CD9: variants seen among roughly 807,000 people sequenced by gnomAD.
The protein encoded by CD9 is CD9 molecule.
In CD9, 10 loss-of-function variants were observed where a neutral mutation model predicts 31.4. The observed-to-expected ratio is 0.32, with a 90% CI of 0.20 to 0.54. The LOEUF is 0.54. CD9 is among the 20% of genes least tolerant of loss of function. The pLI is 0.94. For missense variants in CD9, 259 were observed against 300.1 expected (o/e 0.86, Z 1.01); for synonymous variants, 113 against 114.1 (o/e 0.99, Z 0.06).
intron 2 of CD9, among the ~76,000 whole-genome samples, chr12:6,226,777 A>G (rs1488481463): frequency 6.6e-6 from 1 of 152,224 alleles, no homozygotes; most frequent in Non-Finnish European, 1.5e-5. Flanking sequence ...TTTTTGGGGA[A>G]CAGGTTTCTA....
chr12:6,207,580 G>A (rs1206822637), intron 1 of CD9, among the ~76,000 whole-genome samples: 2 of 152,238 alleles, frequency 1.3e-5, no homozygotes, highest in South Asian at 2.1e-4. Flanking sequence ...TGTTCAGGAA[G>A]AAAGGAGGTC....
In CD9 at chr12:6,226,556, T is replaced by C. The variant is rs1409956521; in HGVS notation, c.175+1022T>C. On this transcript the variant is annotated intron_variant, in intron 2 of 7. Coordinates refer to ENST00000009180, the MANE Select transcript of CD9 (RefSeq NM_001769.4). ...GCAAGGCTGGCCAGCCACGTAGACCTTCCCTTTCCCACCTCTTGAACTGGG... is the reference window on the plus strand; with the variant it reads ...GCAAGGCTGGCCAGCCACGTAGACCCTCCCTTTCCCACCTCTTGAACTGGG... 3.9e-5 allele frequency among the ~76,000 whole-genome samples: 6 copies of C among 152,194 alleles called. No individual in the cohort carries two copies. In the East Asian group the frequency reaches 7.7e-4, roughly 20 times the overall value.
chr12:6,212,431 T>TA (rs1946202898), intron 1 of CD9, among the ~76,000 whole-genome samples: 2 of 152,292 alleles, frequency 1.3e-5, no homozygotes, highest in Non-Finnish European at 2.9e-5. Context: ...TGTTCTCTTG[T>TA]AAAGTAATGG....
At chr12:6,224,493 G>A (rs1565425092) in intron 1 of CD9, among the ~76,000 whole-genome samples, 1 of 152,190 alleles carries the variant, frequency 6.6e-6, no homozygotes, top group South Asian at 2.1e-4. Flanking sequence ...GAGGAAAGGA[G>A]GAAGGAAAGA....
upstream of CD9, chr12:6,200,360 G>A: frequency 1.8e-6 from 1 of 553,366 alleles, no homozygotes; most frequent in Middle Eastern, 4.7e-4. Flanking sequence ...GCGCCCTAAG[G>A]AGTGGCACTT....
At chr12:6,211,618 GA>G (rs1946195107) in intron 1 of CD9, among the ~76,000 whole-genome samples, 2 of 152,254 alleles carry the variant, frequency 1.3e-5, no homozygotes, top group Admixed American at 1.3e-4. Flanking sequence ...GTGTCAGCAA[GA>G]GTGTGTGCAG....
chr12:6,235,719 G>A, intron 6 of CD9, 154 bp downstream of exon 6: 1 of 1,426,846 alleles, frequency 7.0e-7, no homozygotes. Flanking sequence ...TCCCACTTTG[G>A]GCCCTCTGTT....
intron 1 of CD9, among the ~76,000 whole-genome samples, chr12:6,201,328 C>T (rs1025338962): frequency 6.6e-6 from 1 of 152,226 alleles, no homozygotes; most frequent in East Asian, 1.9e-4. Context: ...GAGGAGGGGG[C>T]AGATACCTAT....
intron 4 of CD9, 27 bp downstream of exon 4, chr12:6,233,513 G>A: frequency 1.9e-6 from 3 of 1,572,842 alleles, no homozygotes; most frequent in Non-Finnish European, 2.6e-6. Flanking sequence ...AGATCTCTTG[G>A]GTTTGGGAGT....
intron 1 of CD9, among the ~76,000 whole-genome samples, chr12:6,216,302 T>A (rs1946241982): frequency 6.6e-6 from 1 of 152,234 alleles, no homozygotes; most frequent in Non-Finnish European, 1.5e-5. Context: ...CCTGGAAAAC[T>A]GCTGGTGTGG....
In CD9 at chr12:6,232,832, C is replaced by T; in HGVS notation, c.273+103C>T. 3.7e-6 allele frequency: 3 copies of T among 808,036 alleles called. No individual in the cohort carries two copies. The highest frequency in any genetic ancestry group is 6.2e-6 in the Non-Finnish European group (3 of 481,894). 50.1% of individuals were successfully genotyped at this position (808,036 alleles called of 1,614,324 possible). On this transcript the variant is annotated intron_variant, in intron 3 of 7. Transcript: ENST00000009180. This position sits in a 1 kb window ranked among gnomAD's most constrained non-coding sequence, Gnocchi z 4.8. Reference sequence around the variant, plus strand: ...CAGAACAGATGGAGGGGGATGGGGTCAGGAAGGTACCCAAAGGGCATGAGC... The same window carrying T: ...CAGAACAGATGGAGGGGGATGGGGTTAGGAAGGTACCCAAAGGGCATGAGC...
chr12:6,215,317 T>A (rs960271349), intron 1 of CD9, among the ~76,000 whole-genome samples: 1 of 152,222 alleles, frequency 6.6e-6, no homozygotes, highest in Non-Finnish European at 1.5e-5. Flanking sequence ...GAGAGAGCTT[T>A]TCTCTGTCCT....
rs777032034 is a variant in CD9 at position 6,236,170 on chromosome 12, G to C, written c.538-22G>C. 1.4e-4 allele frequency: 225 copies of C among 1,613,866 alleles called. 1 individual carries two copies. The Admixed American group carries it at 3.7e-3, about 27-fold the overall frequency. On this transcript the variant is annotated intron_variant, in intron 6 of 7. Transcript: ENST00000009180. ...GGGAGGAAGGATTGTGTGTGACCCA[G>C]GTCTTGGTTTGTCTCCCCAAGTCCT...
chr12:6,218,103 T>C (rs907983421), intron 1 of CD9, among the ~76,000 whole-genome samples: 2 of 152,050 alleles, frequency 1.3e-5, no homozygotes, highest in African/African-American at 2.4e-5. Flanking sequence ...GGTGCACACC[T>C]GTAGTCCCAG....
intron 2 of CD9, among the ~76,000 whole-genome samples, chr12:6,229,815 CCTTT>C (rs1217956463): frequency 1.3e-5 from 2 of 151,216 alleles, no homozygotes; most frequent in Non-Finnish European, 3.0e-5. Flanking sequence ...GCTACACCAG[CCTTT>C]CTTTTTTTTT....
chr12:6,237,837 TA>T lies in CD9; in HGVS notation c.*10del. ...ACCGCGAGATGGTCTAGAGTCAGCT[TA>T]CATCCCTGAGCAGGAAAGTTTACCC... On this transcript the variant is annotated 3_prime_UTR_variant, in exon 8 of 8. Coordinates refer to ENST00000009180, the MANE Select transcript of CD9 (RefSeq NM_001769.4). 1 of 1,604,304 alleles carries T rather than the reference TA, an allele frequency of 6.2e-7. No homozygotes were observed. Among genetic ancestry groups the T allele is most frequent in the Non-Finnish European group, 8.5e-7 (1 of 1,171,268 alleles).
chr12:6,203,427 T>G (rs1321037301), intron 1 of CD9, among the ~76,000 whole-genome samples: 1 of 152,148 alleles, frequency 6.6e-6, no homozygotes, highest in Non-Finnish European at 1.5e-5. Flanking sequence ...AAAGCAGGAA[T>G]TGTGAGGCCA....
At chr12:6,222,994 C>T (rs186719640) in intron 1 of CD9, among the ~76,000 whole-genome samples, 31 of 152,332 alleles carry the variant, frequency 2.0e-4, no homozygotes, top group Admixed American at 9.8e-4. Flanking sequence ...GCTTGATAAG[C>T]ACAAGCCTAG....
At chr12:6,235,983 T>C in intron 6 of CD9, 1 of 1,420,240 alleles carries the variant, frequency 7.0e-7, no homozygotes. Flanking sequence ...CCTGACGTCC[T>C]GCCCAGATTT....
Sources: gnomAD v4.1 joint callset for allele counts (sites outside exome capture counted in the v4.1 genomes callset) on GRCh38, gnomAD v4.1.1 for gene constraint, Gnocchi (gnomAD v3.1) non-coding constraint, MANE v1.5 for transcripts, NCBI Gene and HGNC (gene_info 2026-07-23, HGNC 2026-07-21) for gene names.